SMIM14: variants seen among roughly 807,000 people sequenced by gnomAD.
SMIM14 encodes the protein chromosome 4 open reading frame 34.
Under a neutral mutation model 12.6 loss-of-function variants are expected in SMIM14, and 5 were observed. The ratio of observed to expected loss-of-function variants is 0.40; its 90% CI spans 0.21 to 0.83. The LOEUF (loss-of-function observed/expected upper bound fraction) is 0.83. Ranked by LOEUF, SMIM14 falls within the 40% of genes least tolerant of loss-of-function variation. The pLI is 0.37. For missense variants in SMIM14, 86 were observed against 119.1 expected, an observed-to-expected ratio of 0.72 and a Z score of 1.29; for synonymous variants, 30 against 40.1, an observed-to-expected ratio of 0.75 and a Z score of 0.95.
intron 2 of SMIM14, among the ~76,000 whole-genome samples, chr4:39,574,028 C>A: frequency 6.6e-6 from 1 of 152,072 alleles, no homozygotes; most frequent in East Asian, 1.9e-4. Context: ...TCTCATAAAC[C>A]TTAAAATAGA....
rs71192888 is a variant in SMIM14, at chr4:39,632,478, CAA to C, written c.-36+6259_-36+6260del. Among the ~76,000 whole-genome samples, 741 of 88,408 alleles carry C rather than the reference CAA, an allele frequency of 8.4e-3. 6 individuals carry two copies. Among genetic ancestry groups the C allele is most frequent in the African/African-American group, 0.022 (482 of 21,764 alleles). 58.0% of individuals were successfully genotyped at this position (88,408 alleles called of 152,430 possible). A position where few individuals can be genotyped will look rare whatever the true frequency, so the allele number is the denominator to read the frequency against. On this transcript the variant is annotated intron_variant, in intron 1 of 4. Coordinates refer to ENST00000295958, the MANE Select transcript of SMIM14 (RefSeq NM_174921.3). ...CTACTGACAGAGCGAGACTCCGTCT[CAA>C]AAAAAAAAAAAAAAAAAAAACCTTC... is the stretch of plus-strand genomic sequence containing the variant.
intron 1 of SMIM14, among the ~76,000 whole-genome samples, chr4:39,631,032 T>C (rs1219617355): frequency 1.3e-5 from 2 of 152,094 alleles, no homozygotes; most frequent in Admixed American, 6.6e-5. Context: ...AAAATATATA[T>C]TGTATAAAAA....
At chr4:39,614,020 C>T (rs1715124649) in intron 1 of SMIM14, among the ~76,000 whole-genome samples, 1 of 151,702 alleles carries the variant, frequency 6.6e-6, no homozygotes, top group Non-Finnish European at 1.5e-5. Context: ...GTGTGAAACC[C>T]AGTCTCTACT....
rs369057968 is a variant in SMIM14, at chr4:39,632,775, T to TCACA, written c.-36+5960_-36+5963dup. On this transcript the variant is annotated intron_variant, in intron 1 of 4. Coordinates refer to ENST00000295958, the MANE Select transcript of SMIM14 (RefSeq NM_174921.3). ...CTTGGATGACAGAGTGAGACTCCCG[T>TCACA]CACACACACACACACACACACACAC... Among the ~76,000 whole-genome samples, 808 of 115,078 alleles carry TCACA rather than the reference T, an allele frequency of 7.0e-3. 9 individuals are homozygous for TCACA. Among genetic ancestry groups the TCACA allele is most frequent in the Admixed American group, 0.017 (171 of 10,344 alleles). 75.5% of individuals were successfully genotyped at this position (115,078 alleles called of 152,430 possible).
At chr4:39,601,369 A>C (rs1714606004) in intron 2 of SMIM14, among the ~76,000 whole-genome samples, 1 of 152,160 alleles carries the variant, frequency 6.6e-6, no homozygotes, top group African/African-American at 2.4e-5. Context: ...CCAAAAATTC[A>C]CAATTAGTAC....
At chr4:39,613,917 C>T (rs1275359313) in intron 1 of SMIM14, among the ~76,000 whole-genome samples, 3 of 152,120 alleles carry the variant, frequency 2.0e-5, no homozygotes, top group East Asian at 1.9e-4. Flanking sequence ...TAGCCAGGCA[C>T]GGTGGGCTCA....
intron 1 of SMIM14, among the ~76,000 whole-genome samples, chr4:39,619,152 T>C (rs1203346045): frequency 1.3e-5 from 2 of 148,704 alleles, no homozygotes; most frequent in East Asian, 3.9e-4. Context: ...ATTGAGATAA[T>C]TATAATTTAA....
At chr4:39,556,652 A>T (rs1712030453) in intron 3 of SMIM14, 82 bp from the exon 4 acceptor site, 4 of 1,180,474 alleles carry the variant, frequency 3.4e-6, no homozygotes, top group Non-Finnish European at 4.6e-6. Flanking sequence ...GTCAGTTTCA[A>T]TTACTGTATT....
chr4:39,578,489 C>T (rs138285840), intron 2 of SMIM14, among the ~76,000 whole-genome samples: 43 of 152,230 alleles, frequency 2.8e-4, no homozygotes, highest in African/African-American at 1.0e-3. Flanking sequence ...AGATAATACC[C>T]ACAGTATCTA....
chr4:39,573,969 T>C (rs927147692), intron 2 of SMIM14, among the ~76,000 whole-genome samples: 2 of 152,190 alleles, frequency 1.3e-5, no homozygotes, highest in African/African-American at 4.8e-5. Context: ...CATCCTTTTA[T>C]AAGCATACAA....
At chr4:39,576,675 TATATATATA>T (rs1381475943) in intron 2 of SMIM14, among the ~76,000 whole-genome samples, 31 of 35,780 alleles carry the variant, frequency 8.7e-4, no homozygotes, top group East Asian at 3.9e-3. Flanking sequence ...TATATATATA[TATATATATA>T]TTTTTTTTTT....
chr4:39,615,264 C>A (rs945528061), intron 1 of SMIM14, among the ~76,000 whole-genome samples: 1 of 151,986 alleles, frequency 6.6e-6, no homozygotes, highest in Admixed American at 6.6e-5. Flanking sequence ...TTAAGGGAAG[C>A]GGGGTGAGGA....
intron 2 of SMIM14, among the ~76,000 whole-genome samples, chr4:39,595,683 A>T (rs1480056931): frequency 6.8e-6 from 1 of 147,136 alleles, no homozygotes; most frequent in East Asian, 2.0e-4. Flanking sequence ...ATCTTGGCTC[A>T]CTTCAACCTC....
Position 39,605,181 on chromosome 4 carries a change from C to A in SMIM14, c.-35-1G>T. ...CTTGATTTTACTTGACTGTTTAAAT[C>A]TAGGAGGAAGGAAAAAATACTGTTA... On this transcript the variant is annotated splice_acceptor_variant, in intron 1 of 4. Coordinates refer to ENST00000295958, the MANE Select transcript of SMIM14 (RefSeq NM_174921.3). LOFTEE classifies it low-confidence loss of function (5UTR_SPLICE). The A allele has an allele frequency of 6.4e-7, 1 of 1,561,848 alleles. No homozygotes were observed. The highest frequency in any genetic ancestry group is 8.6e-7 in the Non-Finnish European group (1 of 1,158,910).
intron 1 of SMIM14, among the ~76,000 whole-genome samples, chr4:39,622,514 C>T (rs974149783): frequency 6.6e-5 from 10 of 152,338 alleles, no homozygotes; most frequent in African/African-American, 2.2e-4. Flanking sequence ...GATTCTCCTG[C>T]CCCAGCCTCC....
chr4:39,608,436 G>A (rs1042892001), intron 1 of SMIM14, among the ~76,000 whole-genome samples: 4 of 152,196 alleles, frequency 2.6e-5, no homozygotes, highest in Non-Finnish European at 5.9e-5. Context: ...ACAAAATGTG[G>A]TATACACATA....
rs369057968 is a variant in SMIM14, at chr4:39,632,775, TCACACACACACACACACACACA to T, written c.-36+5942_-36+5963del. Among the ~76,000 whole-genome samples the T allele has an allele frequency of 9.6e-5, 11 of 115,016 alleles. No homozygotes were observed. In the South Asian group the frequency reaches 1.0e-3, roughly 11 times the overall value. The allele number at this position is 115,016 out of a possible 152,430, so 75.5% of individuals were successfully genotyped here. A position where few individuals can be genotyped will look rare whatever the true frequency, so the allele number is the denominator to read the frequency against. ...CTTGGATGACAGAGTGAGACTCCCG[TCACACACACACACACACACACA>T]CACACACACACACACACACACACAC... On this transcript the variant is annotated intron_variant, in intron 1 of 4. Transcript: ENST00000295958.
rs115283699 is a variant in SMIM14 at position 39,607,228 on chromosome 4, C to G, written c.-35-2048G>C. On this transcript the variant is annotated intron_variant, in intron 1 of 4. Transcript: ENST00000295958. Reference sequence around the variant, plus strand: ...ATATGTGAATTGTGGACACATCCATCAAAACTTATCAAATTGTATATTTAA... The same window carrying G: ...ATATGTGAATTGTGGACACATCCATGAAAACTTATCAAATTGTATATTTAA... Among the ~76,000 whole-genome samples, 1,243 of 152,244 alleles carry G rather than the reference C, an allele frequency of 8.2e-3. 10 individuals carry two copies. Among genetic ancestry groups the G allele is most frequent in the Non-Finnish European group, 0.013 (892 of 68,030 alleles).
intron 1 of SMIM14, among the ~76,000 whole-genome samples, chr4:39,617,087 AC>A (rs1244297235): frequency 6.6e-6 from 1 of 152,216 alleles, no homozygotes; most frequent in Non-Finnish European, 1.5e-5. Flanking sequence ...GAACCAAATT[AC>A]ATATTTACAT....
Sources: allele counts gnomAD v4.1 joint callset (sites outside exome capture counted in the v4.1 genomes callset), GRCh38; gene constraint gnomAD v4.1.1; transcripts MANE v1.5; gene names NCBI Gene and HGNC (gene_info 2026-07-23, HGNC 2026-07-21).